Variants in WDFY2 observed in about 807,000 individuals in gnomAD.
WDFY2 encodes WD repeat and FYVE domain-containing protein 2.
WDFY2 carries 36 observed loss-of-function variants against 56.4 expected under a neutral mutation model. That is an observed-to-expected ratio of 0.64 (90% confidence interval 0.49 to 0.84). The LOEUF is 0.84. Ranked by LOEUF, WDFY2 falls within the 40% of genes least tolerant of loss-of-function variation. WDFY2 has a pLI of 0.00. For missense variants in WDFY2, 444 were observed against 512.2 expected, an observed-to-expected ratio of 0.87 and a Z score of 1.29; for synonymous variants, 176 against 183.7, an observed-to-expected ratio of 0.96 and a Z score of 0.34.
intron 1 of WDFY2, among the ~76,000 whole-genome samples, chr13:51,616,535 C>T (rs778403722): frequency 1.6e-4 from 24 of 152,140 alleles, no homozygotes; most frequent in Non-Finnish European, 3.1e-4. Context: ...CACTCATGGT[C>T]GTTGATTCTT....
At chr13:51,654,797 T>A (rs898816040) in intron 1 of WDFY2, among the ~76,000 whole-genome samples, 2 of 152,182 alleles carry the variant, frequency 1.3e-5, no homozygotes, top group African/African-American at 2.4e-5. Context: ...TTTTCTTTTT[T>A]AAGCTGCTTT....
intron 1 of WDFY2, among the ~76,000 whole-genome samples, chr13:51,609,326 A>T (rs920003786): frequency 3.3e-5 from 5 of 152,146 alleles, no homozygotes; most frequent in African/African-American, 1.2e-4. Context: ...AACTCTAACA[A>T]ACTTGGTCAT....
chr13:51,596,638 TG>T (rs1272067291), intron 1 of WDFY2, among the ~76,000 whole-genome samples: 2 of 152,176 alleles, frequency 1.3e-5, no homozygotes, highest in Non-Finnish European at 2.9e-5. Flanking sequence ...TTCACTTACA[TG>T]GGTAGAGACA....
intron 4 of WDFY2, among the ~76,000 whole-genome samples, chr13:51,708,059 C>T (rs1952125252): frequency 6.9e-6 from 1 of 144,574 alleles, no homozygotes; most frequent in South Asian, 2.2e-4. Flanking sequence ...AGTTCTCCTG[C>T]CTCAGCCTCC....
chr13:51,613,391 G>T (rs1954542022), intron 1 of WDFY2, among the ~76,000 whole-genome samples: 1 of 152,126 alleles, frequency 6.6e-6, no homozygotes, highest in Admixed American at 6.6e-5. Flanking sequence ...GGTTCTGAGA[G>T]GCTGGCTAGC....
chr13:51,616,965 T>C (rs1954630508), intron 1 of WDFY2, among the ~76,000 whole-genome samples: 1 of 152,236 alleles, frequency 6.6e-6, no homozygotes, highest in African/African-American at 2.4e-5. Context: ...TCAAAAGATA[T>C]TTGTTGAGTT....
chr13:51,610,409 G>T (rs996855475), intron 1 of WDFY2, among the ~76,000 whole-genome samples: 8 of 152,088 alleles, frequency 5.3e-5, no homozygotes, highest in African/African-American at 1.9e-4. Flanking sequence ...TTCCTTTATT[G>T]TATGAATTTG....
chr13:51,638,782 A>T (rs1955099919), intron 1 of WDFY2, among the ~76,000 whole-genome samples: 1 of 152,232 alleles, frequency 6.6e-6, no homozygotes, highest in South Asian at 2.1e-4. Context: ...ACTGATGCAT[A>T]ATATGCAGAG....
intron 1 of WDFY2, among the ~76,000 whole-genome samples, chr13:51,614,100 C>T (rs530277620): frequency 1.2e-4 from 18 of 149,846 alleles, no homozygotes; most frequent in African/African-American, 4.2e-4. Flanking sequence ...GCAGGAGAAT[C>T]GCTTGAACCT....
intron 8 of WDFY2, chr13:51,753,039 T>G (rs1053143672): frequency 6.6e-6 from 1 of 152,216 alleles, no homozygotes; most frequent in Non-Finnish European, 1.5e-5. Context: ...GAAATTATAG[T>G]TGATATATGC....
intron 4 of WDFY2, among the ~76,000 whole-genome samples, chr13:51,709,393 C>T (rs558860121): frequency 6.6e-6 from 1 of 152,282 alleles, no homozygotes; most frequent in South Asian, 2.1e-4. Flanking sequence ...TGGTTCACAC[C>T]TGTTAACCCA....
intron 1 of WDFY2, among the ~76,000 whole-genome samples, chr13:51,647,700 C>T (rs950075795): frequency 6.8e-6 from 1 of 146,754 alleles, no homozygotes; most frequent in Non-Finnish European, 1.5e-5. Flanking sequence ...TTCAAAGTGA[C>T]AGTGAGCTAT....
intron 1 of WDFY2, chr13:51,589,383 T>C (rs528983917): frequency 1.3e-5 from 2 of 152,246 alleles, no homozygotes; most frequent in African/African-American, 4.8e-5. Flanking sequence ...TTCCTGACTC[T>C]AAATTACTAT....
intron 3 of WDFY2, among the ~76,000 whole-genome samples, chr13:51,681,145 A>T (rs560249573): frequency 1.2e-4 from 19 of 152,344 alleles, no homozygotes; most frequent in African/African-American, 4.1e-4. Flanking sequence ...AAAGCACTTC[A>T]GCTGTACCCA....
intron 4 of WDFY2, among the ~76,000 whole-genome samples, chr13:51,704,162 T>G (rs1952039682): frequency 6.6e-6 from 1 of 152,176 alleles, no homozygotes; most frequent in Admixed American, 6.5e-5. Context: ...TTTTAACACT[T>G]AGAGGTCATT....
At chr13:51,750,932 T>G (rs1953219144) in intron 7 of WDFY2, among the ~76,000 whole-genome samples, 1 of 152,112 alleles carries the variant, frequency 6.6e-6, no homozygotes, top group South Asian at 2.1e-4. Context: ...AAGGATAATT[T>G]TTTAAAAGGA....
At chr13:51,599,665 T>G (rs1467263550) in intron 1 of WDFY2, among the ~76,000 whole-genome samples, 1 of 152,210 alleles carries the variant, frequency 6.6e-6, no homozygotes, top group Admixed American at 6.5e-5. Context: ...CTCTGGACTT[T>G]GAGTTGTTCC....
Position 51,762,334 on chromosome 13 carries a change from C to G in WDFY2, c.*2565C>G, listed in dbSNP as rs546844104. 1.3e-5 allele frequency: 2 copies of G among 152,270 alleles called. No homozygotes were observed. The highest frequency in any genetic ancestry group is 4.8e-5 in the African/African-American group (2 of 41,454). 9.4% of individuals were successfully genotyped at this position (152,270 alleles called of 1,614,324 possible). Reference sequence around the variant, plus strand: ...AGTCGCTCTGGCCTGTGACCTTGCACGCCACTCTACCTTCTCCCTCCCAGC... The same window carrying G: ...AGTCGCTCTGGCCTGTGACCTTGCAGGCCACTCTACCTTCTCCCTCCCAGC... On this transcript the variant is annotated 3_prime_UTR_variant, in exon 12 of 12. Coordinates refer to ENST00000298125, the MANE Select transcript of WDFY2 (RefSeq NM_052950.4).
Position 51,722,054 on chromosome 13 carries a change from G to T in WDFY2, c.485+2706G>T, listed in dbSNP as rs138672262. On this transcript the variant is annotated intron_variant, in intron 5 of 11. Coordinates refer to ENST00000298125, the MANE Select transcript of WDFY2 (RefSeq NM_052950.4). ...AGGGGTTTTGGTTTCGTCGTTGTTT[G>T]TTGTTTGTTTGTTTTAGTGATGAAG... Among the ~76,000 whole-genome samples, 1,075 of 141,196 alleles carry T rather than the reference G, an allele frequency of 7.6e-3. 13 individuals carry two copies. The highest frequency in any genetic ancestry group is 0.025 in the African/African-American group (921 of 37,534). 92.6% of individuals were successfully genotyped at this position (141,196 alleles called of 152,430 possible). A position where few individuals can be genotyped will look rare whatever the true frequency, so the allele number is the denominator to read the frequency against.
Sources: allele counts gnomAD v4.1 joint callset (sites outside exome capture counted in the v4.1 genomes callset), GRCh38; gene constraint gnomAD v4.1.1; transcripts MANE v1.5; gene names NCBI Gene and HGNC (gene_info 2026-07-23, HGNC 2026-07-21).